IL1RAPL2: variants seen among roughly 807,000 people sequenced by gnomAD.
IL1RAPL2 encodes X-linked interleukin-1 receptor accessory protein-like 2.
Under a neutral mutation model 44.1 loss-of-function variants are expected in IL1RAPL2, and 3 were observed. The observed-to-expected ratio is 0.07, with a 90% confidence interval of 0.03 to 0.18. The LOEUF (loss-of-function observed/expected upper bound fraction) is 0.18. Among genes scored for constraint, IL1RAPL2 ranks in the 10% least tolerant of loss-of-function variants. The pLI, the probability that IL1RAPL2 is intolerant of heterozygous loss-of-function variation, is 1.00. For synonymous variants in IL1RAPL2, 181 were observed against 178.8 expected, an observed-to-expected ratio of 1.01 and a Z score of -0.10; for missense variants, 391 against 496.4, an observed-to-expected ratio of 0.79 and a Z score of 2.02.
At chrX:105,343,376 TATTTC>T (rs915479302) in intron 5 of IL1RAPL2, among the ~76,000 whole-genome samples, 23 of 112,586 alleles carry the variant, frequency 2.0e-4, no homozygotes, top group African/African-American at 7.1e-4. Context: ...TATTTTGATG[TATTTC>T]ATTTCAGTCT....
At chrX:105,417,279 C>T (rs1396854824) in intron 5 of IL1RAPL2, among the ~76,000 whole-genome samples, 3 of 112,054 alleles carry the variant, frequency 2.7e-5, no homozygotes, top group Non-Finnish European at 5.6e-5. Context: ...TTCAAGACAG[C>T]CTGGCCGACA....
intron 2 of IL1RAPL2, among the ~76,000 whole-genome samples, chrX:104,673,482 G>A (rs1418689142): frequency 3.6e-5 from 4 of 111,381 alleles, no homozygotes; most frequent in African/African-American, 1.3e-4. Context: ...CAAGTACCAT[G>A]CTGTTTTGGT....
chrX:104,652,485 A>G (rs888633811), intron 1 of IL1RAPL2, among the ~76,000 whole-genome samples: 1 of 112,041 alleles, frequency 8.9e-6, no homozygotes, highest in Non-Finnish European at 1.9e-5. Flanking sequence ...TTAATTAGTT[A>G]TGTGTCAGGC....
intron 2 of IL1RAPL2, among the ~76,000 whole-genome samples, chrX:104,993,608 A>G (rs2030701453): frequency 9.0e-6 from 1 of 111,561 alleles, no homozygotes; most frequent in Middle Eastern, 4.2e-3. Context: ...TGAAGCTTTC[A>G]AAGAAGTGCA....
intron 1 of IL1RAPL2, among the ~76,000 whole-genome samples, chrX:104,623,706 A>G: frequency 9.0e-6 from 1 of 110,992 alleles, no homozygotes. Flanking sequence ...GTTTTGGGGG[A>G]ACTATTCTAA....
intron 2 of IL1RAPL2, among the ~76,000 whole-genome samples, chrX:104,841,940 G>T (rs1160878250): frequency 9.0e-6 from 1 of 110,518 alleles, no homozygotes; most frequent in Non-Finnish European, 1.9e-5. Flanking sequence ...GGCCTGTCTT[G>T]CTAGGTTGGG....
At chrX:104,655,745 T>A (rs1930243214) in intron 1 of IL1RAPL2, among the ~76,000 whole-genome samples, 1 of 111,883 alleles carries the variant, frequency 8.9e-6, no homozygotes, top group African/African-American at 3.3e-5. Flanking sequence ...TCCAAAGGAA[T>A]GGTACCAGCT....
At chrX:104,924,397 A>G (rs1169223115) in intron 2 of IL1RAPL2, among the ~76,000 whole-genome samples, 1 of 112,006 alleles carries the variant, frequency 8.9e-6, no homozygotes, top group African/African-American at 3.2e-5. Context: ...TGCAGGATAT[A>G]CATTTTTCTC....
At chrX:105,730,808 G>C (rs753866530) in intron 7 of IL1RAPL2, among the ~76,000 whole-genome samples, 2 of 111,353 alleles carry the variant, frequency 1.8e-5, no homozygotes, top group Admixed American at 9.5e-5. Flanking sequence ...AAAAAGTCGA[G>C]AAACAAATGA....
At chrX:104,978,894 T>G (rs2030385906) in intron 2 of IL1RAPL2, among the ~76,000 whole-genome samples, 1 of 111,422 alleles carries the variant, frequency 9.0e-6, no homozygotes, top group Admixed American at 9.6e-5. Flanking sequence ...CATGAATAGA[T>G]GGAGAGAAAT....
Position 104,576,273 on chromosome X carries a change from T to C in IL1RAPL2, c.-20+9222T>C, listed in dbSNP as rs545760654. On this transcript the variant is annotated intron_variant, in intron 1 of 10. Coordinates refer to ENST00000372582, the MANE Select transcript of IL1RAPL2 (RefSeq NM_017416.2). ...CCAGCCAGTCTCGCTCTAAAATCCATGCATTTAAACGTGACACAAAAGTAT... is the reference window on the plus strand; with the variant it reads ...CCAGCCAGTCTCGCTCTAAAATCCACGCATTTAAACGTGACACAAAAGTAT... Among the ~76,000 whole-genome samples the C allele has an allele frequency of 3.6e-5, 4 of 111,458 alleles. No individual in the cohort carries two copies. In the South Asian group the frequency reaches 1.5e-3, roughly 42 times the overall value.
intron 2 of IL1RAPL2, among the ~76,000 whole-genome samples, chrX:104,955,304 A>G (rs1407712375): frequency 9.1e-6 from 1 of 110,368 alleles, no homozygotes; most frequent in Non-Finnish European, 1.9e-5. Context: ...AATATTCCTC[A>G]AGGTCACTGG....
At chrX:104,652,188 T>C (rs1930165419) in intron 1 of IL1RAPL2, among the ~76,000 whole-genome samples, 2 of 111,920 alleles carry the variant, frequency 1.8e-5, no homozygotes, top group South Asian at 3.7e-4. Context: ...CAAGCTGCTT[T>C]TGCAGTTAAA....
chrX:104,585,286 AATATATT>A (rs1253181616), intron 1 of IL1RAPL2, among the ~76,000 whole-genome samples: 22 of 22,198 alleles, frequency 9.9e-4, no homozygotes, highest in East Asian at 2.2e-3. Flanking sequence ...TATATTATAT[AATATATT>A]ATATATTATA....
intron 7 of IL1RAPL2, among the ~76,000 whole-genome samples, chrX:105,735,635 T>TCAA (rs1354712842): frequency 9.0e-6 from 1 of 111,699 alleles, no homozygotes; most frequent in Non-Finnish European, 1.9e-5. Context: ...GATAACTTAG[T>TCAA]CAACAGACAT....
intron 6 of IL1RAPL2, among the ~76,000 whole-genome samples, chrX:105,670,520 C>T (rs2037814731): frequency 9.5e-6 from 1 of 105,589 alleles, no homozygotes; most frequent in Non-Finnish European, 1.9e-5. Flanking sequence ...AGGATGGTCT[C>T]GATCTCCTGA....
chrX:104,838,851 T>TTTC (rs1921821799), intron 2 of IL1RAPL2, among the ~76,000 whole-genome samples: 1 of 41,571 alleles, frequency 2.4e-5, no homozygotes. Flanking sequence ...TTCTTTCTTT[T>TTTC]TTTTTTTTTT....
intron 1 of IL1RAPL2, chrX:104,647,919 A>G: frequency 1.5e-6 from 1 of 659,863 alleles, no homozygotes; most frequent in Non-Finnish European, 2.5e-6. Context: ...TCCACATTAT[A>G]TAAGGCAGAG....
intron 2 of IL1RAPL2, among the ~76,000 whole-genome samples, chrX:104,967,274 CTTTT>C (rs2030142869): frequency 9.0e-6 from 1 of 111,073 alleles, no homozygotes; most frequent in Admixed American, 9.6e-5. Flanking sequence ...TTAAAACACA[CTTTT>C]AGAAAAATTT....
Sources: allele counts gnomAD v4.1 joint callset (sites outside exome capture counted in the v4.1 genomes callset), GRCh38; gene constraint gnomAD v4.1.1; transcripts MANE v1.5; gene names NCBI Gene and HGNC (gene_info 2026-07-23, HGNC 2026-07-21).